Variants in NEFL observed in about 807,000 individuals in gnomAD.
The protein encoded by NEFL is neurofilament light chain, also known as neurofilament light polypeptide.
Under a neutral mutation model 51.6 loss-of-function variants are expected in NEFL, and 36 were observed. The observed-to-expected ratio is 0.70, with a 90% CI of 0.53 to 0.92. The LOEUF (loss-of-function observed/expected upper bound fraction) is 0.92, where lower values mean the gene tolerates loss of function less well. Among genes scored for constraint, NEFL ranks in the 40% least tolerant of loss-of-function variants. The pLI, the probability that NEFL is intolerant of heterozygous loss-of-function variation, is 0.00. For synonymous variants in NEFL, 332 were observed against 302.5 expected (o/e 1.10, Z -1.01); for missense variants, 671 against 722.0 (o/e 0.93, Z 0.81).
At position 24,953,538 on chromosome 8, in the gene NEFL, G is replaced by A; in HGVS notation, c.1427C>T (p.Ala476Val). 1 of 1,612,784 alleles carries A rather than the reference G, an allele frequency of 6.2e-7. No homozygotes were observed. Among genetic ancestry groups the A allele is most frequent in the African/African-American group, 1.3e-5 (1 of 74,918 alleles). Residue 476 changes from alanine to valine, a missense_variant, in exon 3 of 4, where the codon GCC becomes GTC. Coordinates refer to ENST00000610854, the MANE Select transcript of NEFL (RefSeq NM_006158.5). ...AKDEPPSEGE[A>V]EEEEKDKEEA... ...TTCCTTGTCCTTCTCCTCCTCCTCG[G>A]CTTCTCCTTCAGAGGGGGGCTCATC...
rs1484620251 is a variant in NEFL, at chr8:24,956,486, G to A, written c.30C>T (p.Tyr10=). Residue 10 remains tyrosine (Y), a synonymous_variant, in exon 1 of 4, where the codon TAC becomes TAT. Transcript: ENST00000610854. This position sits in a 1 kb window ranked among gnomAD's most constrained non-coding sequence, Gnocchi z 5.9. ...CGTAGCGCCGCTTGTAGGAGGTCGA[G>A]TAGTACGGCTCGTAGCTGAAGGAAC... MSSFSYEPY[Y]STSYKRRYVE... is the part of the protein sequence containing the mutation. 3 of 1,603,386 alleles carry A rather than the reference G, an allele frequency of 1.9e-6. No individual in the cohort carries two copies. The African/African-American group carries it at 4.0e-5, about 21-fold the overall frequency.
Position 24,953,764 on chromosome 8 carries a change from T to C in NEFL, c.1201A>G (p.Ser401Gly), listed in dbSNP as rs1259064251. The change falls in exon 3 of 4, where the codon AGT (serine) becomes GGT (glycine). Residue 401 changes from serine (S) to glycine (G), a missense_variant. Ser to Gly is a moderately conservative substitution (Grantham distance 56, BLOSUM62 0). Coordinates refer to ENST00000610854, the MANE Select transcript of NEFL (RefSeq NM_006158.5). ...GTTATGCTTCCCACGCTGGTGAAAC[T>C]GAGTCGGGTCTCCTCGCCTTCCAAG... Reference protein sequence around the residue: ...KLLEGEETRLSFTSVGSITSG... With the variant: ...KLLEGEETRLGFTSVGSITSG... The C allele has an allele frequency of 6.2e-7, 1 of 1,613,296 alleles. No homozygotes were observed. The highest frequency in any genetic ancestry group is 1.7e-5 in the Admixed American group (1 of 60,016).
intron 2 of NEFL, 47 bp downstream of exon 2, chr8:24,954,134 T>C (rs769393102): frequency 1.9e-6 from 3 of 1,610,162 alleles, no homozygotes; most frequent in Non-Finnish European, 2.5e-6. Context: ...GGATCTGATT[T>C]TCTTCCTAAG....
chr8:24,953,399 A>G (rs1323389627), intron 3 of NEFL, 77 bp downstream of exon 3: 4 of 1,539,592 alleles, frequency 2.6e-6, no homozygotes, highest in Non-Finnish European at 3.5e-6. Context: ...GCAAGGCTTC[A>G]TTTGTCTTAT....
At position 24,955,418 on chromosome 8, in the gene NEFL, A is replaced by C; in HGVS notation, c.1044+54T>G. 4 of 1,273,888 alleles carry C rather than the reference A, an allele frequency of 3.1e-6. No homozygotes were observed. Among genetic ancestry groups the C allele is most frequent in the African/African-American group, 2.9e-5 (2 of 67,798 alleles). The allele number at this position is 1,273,888 out of a possible 1,614,324, so 78.9% of individuals were successfully genotyped here. On this transcript the variant is annotated intron_variant, in intron 1 of 3. Coordinates refer to ENST00000610854, the MANE Select transcript of NEFL (RefSeq NM_006158.5). The surrounding 1 kb of genome is among the most constrained non-coding windows in gnomAD (Gnocchi z 4.0). Reference sequence around the variant, plus strand: ...TGGTCTCCACTTTCTGGGCGCACCAACTCCCCCCCTTGCTCGAGTCCCCCG... The same window carrying C: ...TGGTCTCCACTTTCTGGGCGCACCACCTCCCCCCCTTGCTCGAGTCCCCCG...
In NEFL at chr8:24,956,444, C is replaced by T. The variant is rs936194160; in HGVS notation, c.72G>A (p.Val24=). 2 of 1,603,884 alleles carry T rather than the reference C, an allele frequency of 1.2e-6. No homozygotes were observed. The highest frequency in any genetic ancestry group is 1.7e-6 in the Non-Finnish European group (2 of 1,175,972). Residue 24 remains valine, a synonymous_variant, in exon 1 of 4, where the codon GTG becomes GTA. Transcript: ENST00000610854. This position sits in a 1 kb window ranked among gnomAD's most constrained non-coding sequence, Gnocchi z 5.9. ...YKRRYVETPR[V]HISSVRSGYS... ...AGCCGCTGCGCACGCTGGAGATGTG[C>T]ACCCGGGGCGTCTCCACGTAGCGCC...
In NEFL at chr8:24,955,548, C is replaced by T. The variant is rs864622499; in HGVS notation, c.968G>A (p.Arg323Gln). Reference protein sequence around the residue: ...KAKTLEIEACRGMNEALEKQL... With the variant: ...KAKTLEIEACQGMNEALEKQL... ...CTTCTCCAGCGCTTCATTCATGCCC[C>T]GGCATGCTTCGATTTCCAGGGTCTT... The change falls in exon 1 of 4, where the codon CGG becomes CAG. Residue 323 changes from arginine to glutamine, a missense_variant. Physicochemically the swap from Arg to Gln is conservative, Grantham distance 43 (BLOSUM62 1). Coordinates refer to ENST00000610854, the MANE Select transcript of NEFL (RefSeq NM_006158.5). This position sits in a 1 kb window ranked among gnomAD's most constrained non-coding sequence, Gnocchi z 4.0. 6 of 1,613,472 alleles carry T rather than the reference C, an allele frequency of 3.7e-6. No homozygotes were observed. The highest frequency in any genetic ancestry group is 5.1e-6 in the Non-Finnish European group (6 of 1,179,892).
Position 24,956,024 on chromosome 8 carries a change from G to C in NEFL, c.492C>G (p.Arg164=), listed in dbSNP as rs1229429321. The change falls in exon 1 of 4, where the codon CGC becomes CGG. Residue 164 remains arginine (R), a synonymous_variant. Coordinates refer to ENST00000610854, the MANE Select transcript of NEFL (RefSeq NM_006158.5). This position sits in a 1 kb window ranked among gnomAD's most constrained non-coding sequence, Gnocchi z 5.9. ...TNEKQALQGE[R]EGLEETLRNL... ...TGCGCAGGGTCTCCTCCAGCCCTTCGCGCTCGCCCTGGAGCGCCTGCTTCT... is the reference window on the plus strand; with the variant it reads ...TGCGCAGGGTCTCCTCCAGCCCTTCCCGCTCGCCCTGGAGCGCCTGCTTCT... 17 of 1,604,534 alleles carry C rather than the reference G, an allele frequency of 1.1e-5. No homozygotes were observed. Among genetic ancestry groups the C allele is most frequent in the Non-Finnish European group, 1.4e-5 (17 of 1,179,168 alleles).
chr8:24,955,712 C>T lies in NEFL; in HGVS notation c.804G>A (p.Leu268=). The T allele has an allele frequency of 6.2e-7, 1 of 1,613,924 alleles. No individual in the cohort carries two copies. Among genetic ancestry groups the T allele is most frequent in the Non-Finnish European group, 8.5e-7 (1 of 1,179,900 alleles). Residue 268 remains leucine (L), a synonymous_variant, in exon 1 of 4, where the codon CTG becomes CTA. Transcript: ENST00000610854. The surrounding 1 kb of genome is among the most constrained non-coding windows in gnomAD (Gnocchi z 4.0). ...LKDIRAQYEK[L]AAKNMQNAEE... ...CAGCGTTCTGCATGTTCTTGGCGGC[C>T]AGCTTCTCGTACTGCGCGCGGATGT...
Position 24,952,536 on chromosome 8 carries a change from T to G in NEFL, c.*274A>C. ...GTGTTTTTTATTGTAAACATCTGAA[T>G]GATTCACATTGCCGTAGATCCTGAA... On this transcript the variant is annotated 3_prime_UTR_variant, in exon 4 of 4. Transcript: ENST00000610854. 5.1e-6 allele frequency: 2 copies of G among 395,162 alleles called. No individual in the cohort carries two copies. The highest frequency in any genetic ancestry group is 7.9e-5 in the East Asian group (2 of 25,300). The allele number at this position is 395,162 out of a possible 1,614,324, so 24.5% of individuals were successfully genotyped here. A position where few individuals can be genotyped will look rare whatever the true frequency, so the allele number is the denominator to read the frequency against.
In NEFL at chr8:24,951,930, A is replaced by T. The variant is rs1459984474; in HGVS notation, c.*880T>A. The T allele has an allele frequency of 6.6e-6, 1 of 152,394 alleles. No homozygotes were observed. The highest frequency in any genetic ancestry group is 1.5e-5 in the Non-Finnish European group (1 of 68,014). 9.4% of individuals were successfully genotyped at this position (152,394 alleles called of 1,614,324 possible). A position where few individuals can be genotyped will look rare whatever the true frequency, so the allele number is the denominator to read the frequency against. On this transcript the variant is annotated 3_prime_UTR_variant, in exon 4 of 4. Transcript: ENST00000610854. Reference sequence around the variant, plus strand: ...ATAGGGATGAATGTATGGGATTCATATTCTATCCATATTGCATTGTGACAT... The same window carrying T: ...ATAGGGATGAATGTATGGGATTCATTTTCTATCCATATTGCATTGTGACAT...
Position 24,953,582 on chromosome 8 carries a change from G to A in NEFL, c.1383C>T (p.Ala461=). The A allele has an allele frequency of 6.2e-7, 1 of 1,613,956 alleles. No homozygotes were observed. The highest frequency in any genetic ancestry group is 1.1e-5 in the South Asian group (1 of 91,066). ...QIEVEETIEA[A]KAEEAKDEPP... ...GCTCATCCTTGGCTTCCTCAGCCTT[G>A]GCAGCCTCAATGGTTTCCTCCACTT... Residue 461 remains alanine (A), a synonymous_variant, in exon 3 of 4, where the codon GCC becomes GCT. Transcript: ENST00000610854.
Position 24,955,433 on chromosome 8 carries a change from C to CGGGGGG in NEFL, c.1044+38_1044+39insCCCCCC. On this transcript the variant is annotated intron_variant, in intron 1 of 3. Transcript: ENST00000610854. This position sits in a 1 kb window ranked among gnomAD's most constrained non-coding sequence, Gnocchi z 4.0. ...GGGCGCACCAACTCCCCCCCTTGCTCGAGTCCCCCGCCCCCCTGTGTTTCT... is the reference window on the plus strand; with the variant it reads ...GGGCGCACCAACTCCCCCCCTTGCTCGGGGGGGAGTCCCCCGCCCCCCTGTGTTTCT... The CGGGGGG allele has an allele frequency of 1.2e-6, 1 of 825,932 alleles. No homozygotes were observed. Among genetic ancestry groups the CGGGGGG allele is most frequent in the Non-Finnish European group, 1.9e-6 (1 of 531,556 alleles). The allele number at this position is 825,932 out of a possible 1,614,324, so 51.2% of individuals were successfully genotyped here.
In NEFL at chr8:24,953,504, C is replaced by T. The variant is rs763418924; in HGVS notation, c.1461G>A (p.Glu487=). 35 of 1,598,872 alleles carry T rather than the reference C, an allele frequency of 2.2e-5. No homozygotes were observed. Among genetic ancestry groups the T allele is most frequent in the African/African-American group, 4.0e-5 (3 of 74,710 alleles). The change falls in exon 3 of 4, where the codon GAG becomes GAA. Residue 487 remains glutamate (E), a synonymous_variant. Transcript: ENST00000610854. ...CTTCCTCTTCAGCTGCCTCCTCTTC[C>T]TCGGCCTCTTCCTTGTCCTTCTCCT... ...EEEEKDKEEA[E]EEEAAEEEEA...
In NEFL at chr8:24,952,216, TATCCCTC is replaced by T. The variant is rs1233107214; in HGVS notation, c.*587_*593del. 1 of 152,646 alleles carries T rather than the reference TATCCCTC, an allele frequency of 6.6e-6. No homozygotes were observed. Among genetic ancestry groups the T allele is most frequent in the Admixed American group, 6.5e-5 (1 of 15,280 alleles). The allele number at this position is 152,646 out of a possible 1,614,324, so 9.5% of individuals were successfully genotyped here. ...TTCACAAGTAATCATGACATAACTG[TATCCCTC>T]AGAATTTCCAATTGAAGGAAGAAAA... On this transcript the variant is annotated 3_prime_UTR_variant, in exon 4 of 4. Transcript: ENST00000610854.
In NEFL at chr8:24,951,255, C is replaced by G. The variant is rs1016787758; in HGVS notation, c.*1555G>C. ...GGAAGCACTTTACCTATTTGCATAG[C>G]AACATATATTTAACTAGAAATAGGT... On this transcript the variant is annotated 3_prime_UTR_variant, in exon 4 of 4. Coordinates refer to ENST00000610854, the MANE Select transcript of NEFL (RefSeq NM_006158.5). 5.3e-5 allele frequency: 8 copies of G among 152,134 alleles called. No homozygotes were observed. Among genetic ancestry groups the G allele is most frequent in the African/African-American group, 1.4e-4 (6 of 41,404 alleles). The allele number at this position is 152,134 out of a possible 1,614,324, so 9.4% of individuals were successfully genotyped here.
At position 24,951,642 on chromosome 8, in the gene NEFL, G is replaced by C. The variant is rs1563250684; in HGVS notation, c.*1168C>G. ...AGTGACTCATAATTTCATTACTTGT[G>C]TCTGTAGCTTTTAAAGGTTTAAAAA... On this transcript the variant is annotated 3_prime_UTR_variant, in exon 4 of 4. Transcript: ENST00000610854. 6.6e-6 allele frequency: 1 copy of C among 152,538 alleles called. No homozygotes were observed. Among genetic ancestry groups the C allele is most frequent in the African/African-American group, 2.4e-5 (1 of 41,418 alleles). The allele number at this position is 152,538 out of a possible 1,614,324, so 9.4% of individuals were successfully genotyped here.
intron 1 of NEFL, among the ~76,000 whole-genome samples, 168 bp from the exon 2 acceptor site, chr8:24,954,473 C>G (rs1057260038): frequency 2.8e-4 from 42 of 152,184 alleles, no homozygotes; most frequent in African/African-American, 1.0e-3. Flanking sequence ...AACCTTCATG[C>G]CTAAAATACC....
chr8:24,955,810 C>CCTG lies in NEFL; in HGVS notation c.703_705dup (p.Gln235dup), dbSNP rs1803041574. ...GAGATCTGCGCGTACTGGATCTGCG[C>CCTG]CTGCAGTTCGGCGATCTCCTCTTCG... On this transcript the variant is annotated inframe_insertion, in exon 1 of 4. Coordinates refer to ENST00000610854, the MANE Select transcript of NEFL (RefSeq NM_006158.5). The surrounding 1 kb of genome is among the most constrained non-coding windows in gnomAD (Gnocchi z 4.0). 6.2e-7 allele frequency: 1 copy of CCTG among 1,612,338 alleles called. No homozygotes were observed. Among genetic ancestry groups the CCTG allele is most frequent in the Non-Finnish European group, 8.5e-7 (1 of 1,179,860 alleles).
Sources: gnomAD v4.1 joint callset for allele counts (sites outside exome capture counted in the v4.1 genomes callset) on GRCh38, gnomAD v4.1.1 for gene constraint, Gnocchi (gnomAD v3.1) non-coding constraint, MANE v1.5 for transcripts, NCBI Gene and HGNC (gene_info 2026-07-23, HGNC 2026-07-21) for gene names.